The following ARHGAP15 variants were observed in gnomAD, a reference collection of about 807,000 sequenced individuals.
ARHGAP15 encodes Rho GTPase activating protein 15, also known as rho GTPase-activating protein 15.
In ARHGAP15, 51 loss-of-function variants were observed where a neutral mutation model predicts 63.7. The ratio of observed to expected loss-of-function variants is 0.80; its 90% CI spans 0.64 to 1.01. The LOEUF (loss-of-function observed/expected upper bound fraction) is 1.01. ARHGAP15 is among the 50% of genes least tolerant of loss of function. ARHGAP15 has a pLI of 0.00. For synonymous variants in ARHGAP15, 191 were observed against 193.8 expected, an observed-to-expected ratio of 0.99 and a Z score of 0.12; for missense variants, 560 against 564.6, an observed-to-expected ratio of 0.99 and a Z score of 0.08.
intron 8 of ARHGAP15, among the ~76,000 whole-genome samples, chr2:143,453,865 A>G (rs996120800): frequency 2.0e-5 from 3 of 151,940 alleles, no homozygotes; most frequent in Non-Finnish European, 4.4e-5. Context: ...GGCTTTTCAT[A>G]TCAAATCTGA....
intron 11 of ARHGAP15, among the ~76,000 whole-genome samples, chr2:143,606,050 A>AAAC (rs1196222668): frequency 3.0e-5 from 4 of 132,484 alleles, no homozygotes; most frequent in South Asian, 2.6e-4. Flanking sequence ...AAAAAAAAAA[A>AAAC]AAAAAAAAAA....
chr2:143,750,223 T>C (rs1574925859), intron 13 of ARHGAP15, among the ~76,000 whole-genome samples: 2 of 152,240 alleles, frequency 1.3e-5, no homozygotes, highest in Admixed American at 1.3e-4. Context: ...GCAGATCACC[T>C]GAGGTCAGGA....
chr2:143,330,094 C>CAAAAAA (rs1303438123), intron 6 of ARHGAP15, among the ~76,000 whole-genome samples: 20 of 1,670 alleles, frequency 0.012, 1 homozygote, highest in East Asian at 0.042. Flanking sequence ...GGCTCTGTCT[C>CAAAAAA]AAAAAAAAAA....
intron 9 of ARHGAP15, among the ~76,000 whole-genome samples, chr2:143,518,591 G>A (rs985241170): frequency 3.9e-5 from 6 of 152,270 alleles, no homozygotes; most frequent in East Asian, 3.9e-4. Flanking sequence ...CATTTTGTTC[G>A]CAGGCCCTTT....
At chr2:143,196,429 T>A (rs1691889773) in intron 2 of ARHGAP15, among the ~76,000 whole-genome samples, 1 of 151,992 alleles carries the variant, frequency 6.6e-6, no homozygotes, top group South Asian at 2.1e-4. Context: ...TTGGACTCTT[T>A]TTTTCTCCCC....
At chr2:143,161,891 G>C (rs749250194) in intron 2 of ARHGAP15, among the ~76,000 whole-genome samples, 1 of 151,874 alleles carries the variant, frequency 6.6e-6, no homozygotes, top group Non-Finnish European at 1.5e-5. Context: ...GCGGCCGTCT[G>C]TAGGAGGGCT....
intron 12 of ARHGAP15, among the ~76,000 whole-genome samples, chr2:143,658,747 A>C (rs1232371565): frequency 6.6e-6 from 1 of 152,158 alleles, no homozygotes; most frequent in Non-Finnish European, 1.5e-5. Flanking sequence ...TTCCTCTGTC[A>C]CTTCTGGTAA....
chr2:143,501,584 G>A (rs1458015054), intron 9 of ARHGAP15, among the ~76,000 whole-genome samples: 1 of 152,218 alleles, frequency 6.6e-6, no homozygotes, highest in African/African-American at 2.4e-5. Context: ...GATACCTCCA[G>A]TTCTCTAGCA....
chr2:143,406,079 CT>C (rs1688187921), intron 6 of ARHGAP15, among the ~76,000 whole-genome samples: 1 of 151,634 alleles, frequency 6.6e-6, no homozygotes, highest in Non-Finnish European at 1.5e-5. Flanking sequence ...TTTCAATTTT[CT>C]TTTTCAATTG....
intron 8 of ARHGAP15, among the ~76,000 whole-genome samples, chr2:143,469,945 C>G (rs931139070): frequency 2.0e-5 from 3 of 151,982 alleles, no homozygotes; most frequent in African/African-American, 4.8e-5. Flanking sequence ...ATCTGACTCT[C>G]TCACTCTCTC....
chr2:143,373,964 C>G (rs571993614), intron 6 of ARHGAP15, among the ~76,000 whole-genome samples: 1 of 152,254 alleles, frequency 6.6e-6, no homozygotes, highest in South Asian at 2.1e-4. Context: ...CCTGCAAAAC[C>G]ATTTTCCTGA....
chr2:143,193,761 A>G (rs1277530417), intron 2 of ARHGAP15, among the ~76,000 whole-genome samples: 2 of 152,182 alleles, frequency 1.3e-5, no homozygotes, highest in African/African-American at 2.4e-5. Flanking sequence ...AGAAATAGTG[A>G]TATATGAAGA....
intron 8 of ARHGAP15, among the ~76,000 whole-genome samples, chr2:143,459,013 G>A (rs1690793501): frequency 6.6e-6 from 1 of 152,036 alleles, no homozygotes. Flanking sequence ...CTCTCAAAAG[G>A]CATATTGCCA....
chr2:143,451,459 G>C (rs974189479), intron 8 of ARHGAP15, among the ~76,000 whole-genome samples: 1 of 151,752 alleles, frequency 6.6e-6, no homozygotes, highest in African/African-American at 2.4e-5. Flanking sequence ...TTATATTCTT[G>C]ATAAGCCACT....
intron 11 of ARHGAP15, among the ~76,000 whole-genome samples, chr2:143,570,220 A>T (rs1039008422): frequency 6.6e-6 from 1 of 152,168 alleles, no homozygotes; most frequent in Non-Finnish European, 1.5e-5. Flanking sequence ...ATATTTTATA[A>T]AGAAAGGGCT....
intron 6 of ARHGAP15, among the ~76,000 whole-genome samples, chr2:143,407,618 G>C (rs191150083): frequency 8.0e-4 from 121 of 151,720 alleles, no homozygotes; most frequent in African/African-American, 2.8e-3. Context: ...CAGGAGAGTA[G>C]GACTAATGTT....
intron 8 of ARHGAP15, among the ~76,000 whole-genome samples, chr2:143,457,536 T>A (rs957711674): frequency 2.0e-5 from 3 of 151,062 alleles, no homozygotes; most frequent in Non-Finnish European, 3.0e-5. Context: ...TGTTTTTTTT[T>A]AATATATATA....
chr2:143,360,431 C>T (rs1182583293), intron 6 of ARHGAP15, among the ~76,000 whole-genome samples: 1 of 151,262 alleles, frequency 6.6e-6, no homozygotes, highest in East Asian at 1.9e-4. Flanking sequence ...TAATAAATAT[C>T]AAAAGATTAT....
chr2:143,231,069 CTTTTTTTTTT>C lies in ARHGAP15; in HGVS notation c.384+2411_384+2420del, dbSNP rs914904536. Among the ~76,000 whole-genome samples, 13 of 125,420 alleles carry C rather than the reference CTTTTTTTTTT, an allele frequency of 1.0e-4. No homozygotes were observed. The South Asian group carries it at 3.2e-3, about 31-fold the overall frequency. 82.3% of individuals were successfully genotyped at this position (125,420 alleles called of 152,430 possible). A position where few individuals can be genotyped will look rare whatever the true frequency, so the allele number is the denominator to read the frequency against. On this transcript the variant is annotated intron_variant, in intron 5 of 13. Coordinates refer to ENST00000295095, the MANE Select transcript of ARHGAP15 (RefSeq NM_018460.4). ...AGTTGGACTCTAGGGGATGTAATTC[CTTTTTTTTTT>C]TTTTTTTTTACCACTCATTAGCTGA...
Sources: allele counts gnomAD v4.1 joint callset (sites outside exome capture counted in the v4.1 genomes callset), GRCh38; gene constraint gnomAD v4.1.1; transcripts MANE v1.5; gene names NCBI Gene and HGNC (gene_info 2026-07-23, HGNC 2026-07-21).